PPP6R3: variants seen among roughly 807,000 people sequenced by gnomAD.
PPP6R3 encodes the protein protein phosphatase 6 regulatory subunit 3, also known as serine/threonine-protein phosphatase 6 regulatory subunit 3.
A neutral mutation model predicts 110.7 loss-of-function variants in PPP6R3; 38 were observed. The ratio of observed to expected loss-of-function variants is 0.34; its 90% CI spans 0.26 to 0.45. The LOEUF is 0.45. PPP6R3 is among the 20% of genes least tolerant of loss of function. The probability of loss-of-function intolerance (pLI) is 1.00; values close to 1 mark genes in which losing one functional copy is unlikely to be tolerated. For missense variants in PPP6R3, 870 were observed against 1,062.4 expected, an observed-to-expected ratio of 0.82 and a Z score of 2.52; for synonymous variants, 369 against 373.5, an observed-to-expected ratio of 0.99 and a Z score of 0.14.
rs539914370 is a variant in PPP6R3, at chr11:68,461,728, T to C, written c.-158+901T>C. ...ACTTCACGTTTTCTCTGTGGGGCTTTGGGTCTGTTTTGCTTTTATGGGAGG... is the reference window on the plus strand; with the variant it reads ...ACTTCACGTTTTCTCTGTGGGGCTTCGGGTCTGTTTTGCTTTTATGGGAGG... On this transcript the variant is annotated intron_variant, in intron 1 of 23. Transcript: ENST00000393800. Among the ~76,000 whole-genome samples the C allele has an allele frequency of 1.2e-4, 18 of 152,314 alleles. No individual in the cohort carries two copies. In the South Asian group the frequency reaches 3.7e-3, roughly 32 times the overall value.
chr11:68,574,205 A>G lies in PPP6R3; in HGVS notation c.1440A>G (p.Leu480=). ...HSTDKGPNSA[L]VQQLIKDLPD... is the part of the protein sequence containing the mutation. ...CTGACAAGGGCCCCAACAGTGCATT[A>G]GTGCAGCAGCTTATCAAAGGTAAGT... Residue 480 remains leucine (L), a synonymous_variant, in exon 13 of 24, where the codon TTA becomes TTG. Transcript: ENST00000393800. The G allele has an allele frequency of 6.2e-7, 1 of 1,613,428 alleles. No homozygotes were observed. Among genetic ancestry groups the G allele is most frequent in the Non-Finnish European group, 8.5e-7 (1 of 1,179,406 alleles).
chr11:68,475,348 T>A (rs1336511452), intron 1 of PPP6R3, among the ~76,000 whole-genome samples: 2 of 152,348 alleles, frequency 1.3e-5, no homozygotes, highest in Admixed American at 6.5e-5. Context: ...CTGATTTCTC[T>A]GTCTTTTCCC....
chr11:68,612,607 C>CTCCTT (rs555695568), intron 23 of PPP6R3, among the ~76,000 whole-genome samples: 121 of 151,172 alleles, frequency 8.0e-4, no homozygotes, highest in Non-Finnish European at 1.5e-3. Context: ...ATTTGCAAAC[C>CTCCTT]TCCTTTCCTT....
chr11:68,470,415 G>A (rs898910269), intron 1 of PPP6R3, among the ~76,000 whole-genome samples: 7 of 152,138 alleles, frequency 4.6e-5, no homozygotes, highest in Non-Finnish European at 8.8e-5. Flanking sequence ...GCGGAGGCCA[G>A]TGTGGCTGGA....
intron 7 of PPP6R3, among the ~76,000 whole-genome samples, chr11:68,555,190 G>C (rs2099394623): frequency 6.6e-6 from 1 of 152,158 alleles, no homozygotes; most frequent in African/African-American, 2.4e-5. Context: ...GCCGGCTTCT[G>C]AGTAAAATGG....
At chr11:68,490,901 C>A (rs979571712) in intron 1 of PPP6R3, among the ~76,000 whole-genome samples, 3 of 152,120 alleles carry the variant, frequency 2.0e-5, no homozygotes, top group African/African-American at 7.2e-5. Context: ...GTGTTTTTTA[C>A]AAAATTGCTA....
At chr11:68,475,922 G>T (rs2098828033) in intron 1 of PPP6R3, among the ~76,000 whole-genome samples, 1 of 150,806 alleles carries the variant, frequency 6.6e-6, no homozygotes, top group Admixed American at 6.6e-5. Context: ...GGGCAGAGAC[G>T]CTCCTCACTT....
At chr11:68,575,796 A>G (rs1352238749) in intron 13 of PPP6R3, among the ~76,000 whole-genome samples, 162 bp from the exon 14 acceptor site, 1 of 152,194 alleles carries the variant, frequency 6.6e-6, no homozygotes, top group Non-Finnish European at 1.5e-5. Flanking sequence ...CCATTTCTCT[A>G]AGAGCACTGG....
chr11:68,491,174 G>A (rs928003831), intron 1 of PPP6R3, among the ~76,000 whole-genome samples: 2 of 151,960 alleles, frequency 1.3e-5, no homozygotes, highest in East Asian at 3.9e-4. Context: ...GTGACAAAGC[G>A]AGATCCTGTC....
chr11:68,537,198 T>C (rs949960612), intron 2 of PPP6R3, among the ~76,000 whole-genome samples: 3 of 152,210 alleles, frequency 2.0e-5, no homozygotes, highest in African/African-American at 4.8e-5. Context: ...TTTACCAGTT[T>C]ATTGCTTCAG....
At chr11:68,534,484 A>C (rs1176801110) in intron 2 of PPP6R3, among the ~76,000 whole-genome samples, 2 of 152,194 alleles carry the variant, frequency 1.3e-5, no homozygotes, top group Admixed American at 1.3e-4. Flanking sequence ...TTCTTTAGAA[A>C]TCCAGTGTTT....
At position 68,574,242 on chromosome 11, in the gene PPP6R3, T is replaced by C. The variant is rs1370941740; in HGVS notation, c.1459+18T>C. 3 of 1,595,038 alleles carry C rather than the reference T, an allele frequency of 1.9e-6. No individual in the cohort carries two copies. Among genetic ancestry groups the C allele is most frequent in the Non-Finnish European group, 1.7e-6 (2 of 1,163,298 alleles). ...TATCAAAGGTAAGTTATTTGTGAAA[T>C]TTGAATTACATTTTTGTTGGGTTGC... On this transcript the variant is annotated intron_variant, in intron 13 of 23. Coordinates refer to ENST00000393800, the MANE Select transcript of PPP6R3 (RefSeq NM_001164161.2).
chr11:68,592,990 A>G (rs150897110), intron 18 of PPP6R3, among the ~76,000 whole-genome samples: 14 of 152,366 alleles, frequency 9.2e-5, no homozygotes, highest in African/African-American at 3.1e-4. Context: ...CCCAGAGGGA[A>G]CACTGATGAC....
At chr11:68,543,009 C>A (rs1341324261) in intron 3 of PPP6R3, among the ~76,000 whole-genome samples, 3 of 152,168 alleles carry the variant, frequency 2.0e-5, no homozygotes, top group Non-Finnish European at 4.4e-5. Flanking sequence ...CCCACTCTAG[C>A]AGCATTCTGC....
At chr11:68,506,773 A>G (rs747405632) in intron 1 of PPP6R3, among the ~76,000 whole-genome samples, 198 of 152,198 alleles carry the variant, frequency 1.3e-3, no homozygotes, top group Non-Finnish European at 2.3e-3. Context: ...TATCTCAGAT[A>G]ATAACCATTT....
intron 15 of PPP6R3, among the ~76,000 whole-genome samples, chr11:68,585,983 G>GCTGGCTGCGATGGCATGCACCTGTAGT: frequency 6.6e-6 from 1 of 152,202 alleles, no homozygotes; most frequent in Admixed American, 6.5e-5. Context: ...TTTTGAGAGA[G>GCTGGCTGCGATGGCATGCACCTGTAGT]CTGGCTGCGA....
At chr11:68,554,905 G>A (rs1008308943) in intron 7 of PPP6R3, among the ~76,000 whole-genome samples, 4 of 152,072 alleles carry the variant, frequency 2.6e-5, no homozygotes, top group African/African-American at 7.2e-5. Flanking sequence ...ATCTTGCTTC[G>A]GTTTACTTCT....
intron 19 of PPP6R3, among the ~76,000 whole-genome samples, chr11:68,600,037 G>A (rs189105115): frequency 2.0e-5 from 3 of 152,332 alleles, no homozygotes; most frequent in Middle Eastern, 3.4e-3. Flanking sequence ...CAGGAGAATG[G>A]CGTGAACCCG....
chr11:68,480,024 G>A (rs1429790080), intron 1 of PPP6R3, among the ~76,000 whole-genome samples: 1 of 151,318 alleles, frequency 6.6e-6, no homozygotes, highest in Non-Finnish European at 1.5e-5. Flanking sequence ...GAATTATCGC[G>A]CCTGGCCTGG....
Sources: allele counts gnomAD v4.1 joint callset (sites outside exome capture counted in the v4.1 genomes callset), GRCh38; gene constraint gnomAD v4.1.1; transcripts MANE v1.5; gene names NCBI Gene and HGNC (gene_info 2026-07-23, HGNC 2026-07-21).